ABI3BP: variants seen among roughly 807,000 people sequenced by gnomAD.
The protein encoded by ABI3BP is target of Nesh-SH3.
In ABI3BP, 216 loss-of-function variants were observed where a neutral mutation model predicts 268.6. That is an observed-to-expected ratio of 0.80 (90% CI 0.72 to 0.90). The LOEUF is 0.90. Among genes scored for constraint, ABI3BP ranks in the 40% least tolerant of loss-of-function variants. ABI3BP has a pLI of 0.00. For synonymous variants in ABI3BP, 730 were observed against 730.0 expected, an observed-to-expected ratio of 1.00 and a Z score of 0.00; for missense variants, 2,090 against 2,182.4, an observed-to-expected ratio of 0.96 and a Z score of 0.84.
chr3:100,961,691 G>A (rs769075843), intron 1 of ABI3BP, among the ~76,000 whole-genome samples: 7 of 152,006 alleles, frequency 4.6e-5, no homozygotes, highest in South Asian at 2.1e-4. Context: ...TATGTAAGTC[G>A]GCCATAAAAT....
At chr3:100,806,460 C>G (rs934874728) in intron 50 of ABI3BP, among the ~76,000 whole-genome samples, 8 of 151,992 alleles carry the variant, frequency 5.3e-5, no homozygotes, top group African/African-American at 1.9e-4. Context: ...TACACACCTC[C>G]TTGAAAGACT....
intron 11 of ABI3BP, 113 bp downstream of exon 11, chr3:100,864,720 A>G (rs1254239828): frequency 1.5e-5 from 11 of 730,890 alleles, no homozygotes; most frequent in Middle Eastern, 4.7e-4. Context: ...GGAAAAGGAG[A>G]AAGTGGGGAG....
At chr3:100,768,751 A>G (rs1475484545) in intron 62 of ABI3BP, among the ~76,000 whole-genome samples, 4 of 152,232 alleles carry the variant, frequency 2.6e-5, no homozygotes, top group African/African-American at 9.6e-5. Flanking sequence ...GTCTAATTTT[A>G]TACACAAGTT....
rs2097215266 is a variant in ABI3BP, at chr3:100,792,231, ATT to A, written c.4024+458_4024+459del. Among the ~76,000 whole-genome samples the A allele has an allele frequency of 5.9e-5, 9 of 152,008 alleles. No individual in the cohort carries two copies. In the South Asian group the frequency reaches 1.7e-3, roughly 28 times the overall value. On this transcript the variant is annotated intron_variant, in intron 55 of 67. Coordinates refer to ENST00000471714, the MANE Select transcript of ABI3BP (RefSeq NM_001375547.2). The stretch of plus-strand genomic sequence containing the variant: ...AATATTGTCATAATTTTGAAAAATG[ATT>A]TTTCTTTTTAATAGCTTTTTTCTTA...
In ABI3BP at chr3:100,794,962, A is replaced by T; in HGVS notation, c.3907T>A (p.Ser1303Thr). Residue 1303 changes from serine to threonine, a missense_variant, in exon 54 of 68, where the codon TCC becomes ACC. Transcript: ENST00000471714. ...TRGIPFIPMI[S>T]PSPSQEELQT... Reference sequence around the variant, plus strand: ...AGTTCCTCTTGACTAGGACTTGGGGAAATCATGGGTATAAAAGGGATGCCT... The same window carrying T: ...AGTTCCTCTTGACTAGGACTTGGGGTAATCATGGGTATAAAAGGGATGCCT... The T allele has an allele frequency of 6.4e-7, 1 of 1,570,064 alleles. No homozygotes were observed. The highest frequency in any genetic ancestry group is 2.3e-5 in the East Asian group (1 of 43,056).
chr3:100,756,475 T>C (rs776254685), intron 63 of ABI3BP, among the ~76,000 whole-genome samples: 42 of 152,058 alleles, frequency 2.8e-4, no homozygotes, highest in Non-Finnish European at 4.3e-4. Flanking sequence ...CACACACACA[T>C]GGGGTATTTT....
At chr3:100,825,978 A>T in intron 34 of ABI3BP, 134 bp from the exon 35 acceptor site, 1 of 691,780 alleles carries the variant, frequency 1.4e-6, no homozygotes, top group Non-Finnish European at 2.5e-6. Flanking sequence ...ATTAGGACTG[A>T]ATTATATTTC....
chr3:100,806,724 TAC>T (rs1484970888), intron 50 of ABI3BP, among the ~76,000 whole-genome samples: 4 of 152,032 alleles, frequency 2.6e-5, no homozygotes, highest in East Asian at 3.9e-4. Context: ...GCTCTCTCAT[TAC>T]AGTCTGGCAG....
intron 41 of ABI3BP, among the ~76,000 whole-genome samples, chr3:100,817,729 T>G (rs2098100818): frequency 6.6e-6 from 1 of 152,218 alleles, no homozygotes; most frequent in South Asian, 2.1e-4. Flanking sequence ...ATCTGATTCT[T>G]GCTACACATT....
chr3:100,750,666 C>G (rs2095260239), intron 67 of ABI3BP, 56 bp from the exon 68 acceptor site: 4 of 1,301,434 alleles, frequency 3.1e-6, no homozygotes, highest in Non-Finnish European at 4.4e-6. Flanking sequence ...TTTGCCCTCA[C>G]AGCTCATAGA....
chr3:100,879,062 T>C (rs894604887), intron 6 of ABI3BP, among the ~76,000 whole-genome samples: 19 of 152,198 alleles, frequency 1.2e-4, no homozygotes, highest in Non-Finnish European at 2.4e-4. Flanking sequence ...TTTTGAACTA[T>C]ACATTAATAG....
chr3:100,976,494 G>C (rs923696922), intron 1 of ABI3BP, among the ~76,000 whole-genome samples: 2 of 152,140 alleles, frequency 1.3e-5, no homozygotes, highest in Non-Finnish European at 2.9e-5. Context: ...GTAGTATCCT[G>C]TTTGGTTTGT....
At chr3:100,805,821 T>TA (rs939145142) in intron 50 of ABI3BP, among the ~76,000 whole-genome samples, 2 of 152,074 alleles carry the variant, frequency 1.3e-5, no homozygotes, top group Non-Finnish European at 2.9e-5. Context: ...GATATGGTTA[T>TA]AAGAATCCAA....
intron 4 of ABI3BP, among the ~76,000 whole-genome samples, chr3:100,894,947 A>AAAAAAAAAAAAAAAAAAAAAAAAAC (rs2046724219): frequency 9.1e-6 from 1 of 109,344 alleles, no homozygotes; most frequent in Non-Finnish European, 2.3e-5. Flanking sequence ...TCAAAAAAAA[A>AAAAAAAAAAAAAAAAAAAAAAAAAC]AAAAAAAAAA....
chr3:100,966,660 G>T lies in ABI3BP; in HGVS notation c.79+26646C>A, dbSNP rs530808023. On this transcript the variant is annotated intron_variant, in intron 1 of 67. Coordinates refer to ENST00000471714, the MANE Select transcript of ABI3BP (RefSeq NM_001375547.2). Reference sequence around the variant, plus strand: ...CATTAAATATATGAATTACAGCAAAGATTAAATTATAGGAATTTAAAACAT... The same window carrying T: ...CATTAAATATATGAATTACAGCAAATATTAAATTATAGGAATTTAAAACAT... 2.0e-5 allele frequency among the ~76,000 whole-genome samples: 3 copies of T among 152,266 alleles called. No homozygotes were observed. The South Asian group carries it at 6.2e-4, about 32-fold the overall frequency.
chr3:100,855,043 CAGCCTCCTGAGT>C (rs1443304068), intron 14 of ABI3BP, among the ~76,000 whole-genome samples: 1 of 152,162 alleles, frequency 6.6e-6, no homozygotes, highest in African/African-American at 2.4e-5. Context: ...TCTCCTGCCT[CAGCCTCCTGAGT>C]AGCTGGGATT....
At chr3:100,804,686 A>C (rs776636484) in intron 51 of ABI3BP, 106 bp downstream of exon 51, 40 of 1,013,954 alleles carry the variant, frequency 3.9e-5, no homozygotes, top group Non-Finnish European at 6.1e-5. Context: ...CATGGGATTT[A>C]AACATAAGTG....
chr3:100,916,188 T>C lies in ABI3BP; in HGVS notation c.259+10114A>G, dbSNP rs558576211. Among the ~76,000 whole-genome samples the C allele has an allele frequency of 6.6e-5, 10 of 152,350 alleles. No individual in the cohort carries two copies. The South Asian group carries it at 2.1e-3, about 32-fold the overall frequency. Reference sequence around the variant, plus strand: ...AGTGAATTCACCACTTTGTTCATGTTATCGCTACAGGAAGTGTGTCTGGAT... The same window carrying C: ...AGTGAATTCACCACTTTGTTCATGTCATCGCTACAGGAAGTGTGTCTGGAT... On this transcript the variant is annotated intron_variant, in intron 2 of 67. Coordinates refer to ENST00000471714, the MANE Select transcript of ABI3BP (RefSeq NM_001375547.2).
chr3:100,798,351 G>T (rs1170789709), intron 51 of ABI3BP, among the ~76,000 whole-genome samples: 1 of 152,218 alleles, frequency 6.6e-6, no homozygotes, highest in South Asian at 2.1e-4. Flanking sequence ...AAAGTAATAT[G>T]AATCATTCTC....
Sources: gnomAD v4.1 joint callset for allele counts (sites outside exome capture counted in the v4.1 genomes callset) on GRCh38, gnomAD v4.1.1 for gene constraint, MANE v1.5 for transcripts, NCBI Gene and HGNC (gene_info 2026-07-23, HGNC 2026-07-21) for gene names.